IGSF11: variants seen among roughly 807,000 people sequenced by gnomAD.
IGSF11 encodes CXADR like 1.
IGSF11 carries 22 observed loss-of-function variants against 41.0 expected under a neutral mutation model. The ratio of observed to expected loss-of-function variants is 0.54; its 90% confidence interval spans 0.38 to 0.77. IGSF11 has a LOEUF of 0.77. Ranked by LOEUF, IGSF11 falls within the 30% of genes least tolerant of loss-of-function variation. The probability of loss-of-function intolerance (pLI) is 0.00; values close to 1 mark genes in which losing one functional copy is unlikely to be tolerated. For synonymous variants in IGSF11, 219 were observed against 201.3 expected, an observed-to-expected ratio of 1.09 and a Z score of -0.74; for missense variants, 444 against 530.8, an observed-to-expected ratio of 0.84 and a Z score of 1.61.
At chr3:118,955,619 C>T (rs1273883033) in intron 1 of IGSF11, among the ~76,000 whole-genome samples, 1 of 151,416 alleles carries the variant, frequency 6.6e-6, no homozygotes, top group African/African-American at 2.4e-5. Context: ...CGAAAAGAAT[C>T]TTTTTTTTTC....
intron 4 of IGSF11, among the ~76,000 whole-genome samples, chr3:118,913,463 T>C (rs1306012643): frequency 1.3e-5 from 2 of 152,176 alleles, no homozygotes; most frequent in African/African-American, 4.8e-5. Context: ...TACCAGCAGA[T>C]TTCTCAACAG....
At chr3:118,968,114 T>TC (rs1945809067) in intron 1 of IGSF11, among the ~76,000 whole-genome samples, 1 of 152,236 alleles carries the variant, frequency 6.6e-6, no homozygotes, top group African/African-American at 2.4e-5. Flanking sequence ...AGATGCATTA[T>TC]ATATTTTTAT....
At chr3:119,052,182 C>G (rs1198642314) in intron 1 of IGSF11, among the ~76,000 whole-genome samples, 2 of 151,856 alleles carry the variant, frequency 1.3e-5, no homozygotes, top group Admixed American at 1.3e-4. Context: ...ATAAATGAAA[C>G]AAAAAGATGG....
chr3:119,051,089 A>G (rs1941606541), intron 1 of IGSF11, among the ~76,000 whole-genome samples: 1 of 151,878 alleles, frequency 6.6e-6, no homozygotes, highest in Non-Finnish European at 1.5e-5. Context: ...TGGCACCTGT[A>G]TACATATGTA....
intron 1 of IGSF11, among the ~76,000 whole-genome samples, chr3:118,955,199 T>A (rs951459709): frequency 2.0e-5 from 3 of 149,992 alleles, no homozygotes; most frequent in Non-Finnish European, 2.9e-5. Flanking sequence ...AATTGTGGTA[T>A]GTATGTATGT....
At chr3:118,943,540 T>C (rs1943875763) in intron 1 of IGSF11, among the ~76,000 whole-genome samples, 1 of 152,190 alleles carries the variant, frequency 6.6e-6, no homozygotes, top group Admixed American at 6.5e-5. Context: ...TCTAGCCAAA[T>C]CTGAACTTCC....
intron 1 of IGSF11, among the ~76,000 whole-genome samples, chr3:119,046,107 G>T (rs531270564): frequency 6.6e-6 from 1 of 151,430 alleles, no homozygotes; most frequent in Admixed American, 6.6e-5. Flanking sequence ...CCAAAGGAAC[G>T]CAGCTCCTCA....
At chr3:118,982,628 T>G (rs1934848208) in intron 1 of IGSF11, among the ~76,000 whole-genome samples, 1 of 152,152 alleles carries the variant, frequency 6.6e-6, no homozygotes, top group East Asian at 1.9e-4. Flanking sequence ...ATGTTCCTTT[T>G]TTAACCTTGT....
intron 1 of IGSF11, among the ~76,000 whole-genome samples, chr3:119,094,632 G>A (rs2076819446): frequency 1.3e-5 from 2 of 151,404 alleles, no homozygotes; most frequent in African/African-American, 4.8e-5. Context: ...CCAAAGTAGG[G>A]TAGGTGAACA....
rs891344628 is a variant in IGSF11, at chr3:119,042,906, C to G, written c.49+62238G>C. Among the ~76,000 whole-genome samples, 4 of 152,168 alleles carry G rather than the reference C, an allele frequency of 2.6e-5. No homozygotes were observed. In the East Asian group the frequency reaches 5.8e-4, roughly 22 times the overall value. ...AACAGAACAACTGTTACCAGGGGGT[C>G]CTTGTTCTTAGAGCTCCCAAGATGG... On this transcript the variant is annotated intron_variant, in intron 1 of 6. Transcript: ENST00000354673.
Position 118,991,636 on chromosome 3 carries a change from CATT to C in IGSF11, c.52+42892_52+42894del, listed in dbSNP as rs1464535731. Among the ~76,000 whole-genome samples, 5 of 152,138 alleles carry C rather than the reference CATT, an allele frequency of 3.3e-5. No individual in the cohort carries two copies. The South Asian group carries it at 6.2e-4, about 19-fold the overall frequency. ...GCCACTTAATTTTCTTTCATAAAAA[CATT>C]ATTAGCCTCTGCCTTTGTAAAATGA... On this transcript the variant is annotated intron_variant, in intron 1 of 6. Transcript: ENST00000393775.
At position 118,926,134 on chromosome 3, in the gene IGSF11, T is replaced by C; in HGVS notation, c.547A>G (p.Asn183Asp). Reference sequence around the variant, plus strand: ...GCTGTTGGAGGTAGTTTGAGGGTATTGTCTAACTTCTCCCAAAGGTAAGTT... The same window carrying C: ...GCTGTTGGAGGTAGTTTGAGGGTATCGTCTAACTTCTCCCAAAGGTAAGTT... ...RPTYLWEKLD[N>D]TLKLPPTATQ... is the part of the protein sequence containing the mutation. The change falls in exon 4 of 7, where the codon AAT (asparagine) becomes GAT (aspartate). Residue 183 changes from asparagine (N) to aspartate (D), a missense_variant. By Grantham distance (23) the Asn-to-Asp change is conservative. This residue lies in a region of IGSF11 where 193 missense variants were observed against 283.5 expected (regional missense o/e 0.68). Transcript: ENST00000393775. 6.2e-7 allele frequency: 1 copy of C among 1,611,498 alleles called. No individual in the cohort carries two copies. Among genetic ancestry groups the C allele is most frequent in the Non-Finnish European group, 8.5e-7 (1 of 1,178,348 alleles).
At chr3:119,011,945 C>CTCTG (rs144200736) in intron 1 of IGSF11, among the ~76,000 whole-genome samples, 12,159 of 148,532 alleles carry the variant, frequency 0.082, 490 homozygotes, top group East Asian at 0.11. Flanking sequence ...ATATAGTGTT[C>CTCTG]TGTGTGTGTG....
At chr3:119,086,314 T>A (rs2107488307) in intron 1 of IGSF11, among the ~76,000 whole-genome samples, 2 of 152,252 alleles carry the variant, frequency 1.3e-5, no homozygotes, top group South Asian at 2.1e-4. Flanking sequence ...GAAAACATAT[T>A]TGAGGATTCA....
chr3:119,017,694 G>A (rs904914691), intron 1 of IGSF11, among the ~76,000 whole-genome samples: 2 of 151,604 alleles, frequency 1.3e-5, no homozygotes, highest in African/African-American at 4.9e-5. Context: ...GACTAGTTAG[G>A]CATTCAAAAT....
At chr3:119,012,799 C>T (rs1183802372) in intron 1 of IGSF11, 2 of 152,226 alleles carry the variant, frequency 1.3e-5, no homozygotes, top group African/African-American at 4.8e-5. Context: ...CCACGACAGC[C>T]TCAACTGATC....
At chr3:119,045,056 A>G (rs1941268484) in intron 1 of IGSF11, among the ~76,000 whole-genome samples, 1 of 152,256 alleles carries the variant, frequency 6.6e-6, no homozygotes, top group Non-Finnish European at 1.5e-5. Flanking sequence ...ACATCTCAAT[A>G]CTAACACTGA....
chr3:119,075,548 C>A (rs1258465235), intron 1 of IGSF11, among the ~76,000 whole-genome samples: 1 of 152,036 alleles, frequency 6.6e-6, no homozygotes, highest in Admixed American at 6.6e-5. Context: ...AGCCAATATC[C>A]CTCATAAACG....
At chr3:119,028,650 A>C (rs940142842) in intron 1 of IGSF11, among the ~76,000 whole-genome samples, 5 of 152,154 alleles carry the variant, frequency 3.3e-5, no homozygotes, top group Admixed American at 1.3e-4. Flanking sequence ...CAATTTCAAA[A>C]GATCTGTAAG....
Sources: gnomAD v4.1 joint callset for allele counts (sites outside exome capture counted in the v4.1 genomes callset) on GRCh38, gnomAD v4.1.1 for gene constraint, gnomAD v4.1.1 regional missense constraint, MANE v1.5 for transcripts, NCBI Gene and HGNC (gene_info 2026-07-23, HGNC 2026-07-21) for gene names.